The following ARFGEF3 variants were observed in gnomAD, a reference collection of about 807,000 sequenced individuals.
ARFGEF3 encodes the protein brefeldin A-inhibited guanine nucleotide-exchange protein 3.
A neutral mutation model predicts 221.7 loss-of-function variants in ARFGEF3; 96 were observed. That is an observed-to-expected ratio of 0.43 (90% CI 0.37 to 0.51). The LOEUF (loss-of-function observed/expected upper bound fraction) is 0.51, where lower values mean the gene tolerates loss of function less well. ARFGEF3 is among the 20% of genes least tolerant of loss of function. The probability of loss-of-function intolerance (pLI) is 0.00; values close to 1 mark genes in which losing one functional copy is unlikely to be tolerated. For missense variants in ARFGEF3, 2,410 were observed against 2,789.9 expected, an observed-to-expected ratio of 0.86 and a Z score of 3.07; for synonymous variants, 1,145 against 1,126.8, an observed-to-expected ratio of 1.02 and a Z score of -0.32.
intron 2 of ARFGEF3, among the ~76,000 whole-genome samples, chr6:138,178,532 GTTC>G (rs1441173110): frequency 6.6e-6 from 1 of 152,082 alleles, no homozygotes; most frequent in African/African-American, 2.4e-5. Context: ...TGTCCTCACC[GTTC>G]TTCTTACATA....
Position 138,311,481 on chromosome 6 carries a change from G to T in ARFGEF3, c.4171G>T (p.Ala1391Ser). Reference sequence around the variant, plus strand: ...CCCGTCCACAGACCTGTGCCTCCCGGCCCTGGATTACCTCAGGCGCTGCTC... The same window carrying T: ...CCCGTCCACAGACCTGTGCCTCCCGTCCCTGGATTACCTCAGGCGCTGCTC... The part of the protein sequence containing the change: ...GAPSTDLCLP[A>S]LDYLRRCSQL... The change falls in exon 25 of 34, where the codon GCC becomes TCC. Residue 1391 changes from alanine to serine, a missense_variant. Ala to Ser is a moderately conservative substitution (Grantham distance 99). This residue lies in a region of ARFGEF3 where 723 missense variants were observed against 991.9 expected (regional missense o/e 0.73). Transcript: ENST00000251691. 3 of 1,603,226 alleles carry T rather than the reference G, an allele frequency of 1.9e-6. No homozygotes were observed. Among genetic ancestry groups the T allele is most frequent in the East Asian group, 2.2e-5 (1 of 44,508 alleles).
chr6:138,255,224 T>G (rs1346371492), intron 9 of ARFGEF3, among the ~76,000 whole-genome samples: 1 of 152,238 alleles, frequency 6.6e-6, no homozygotes, highest in Non-Finnish European at 1.5e-5. Flanking sequence ...TCTTATATTT[T>G]ATTTCATTCA....
At chr6:138,316,676 AT>A (rs1297394124) in intron 26 of ARFGEF3, among the ~76,000 whole-genome samples, 1 of 152,188 alleles carries the variant, frequency 6.6e-6, no homozygotes, top group African/African-American at 2.4e-5. Flanking sequence ...CACACCCAAA[AT>A]CAATCATAAT....
At chr6:138,238,283 G>A (rs376726110) in intron 5 of ARFGEF3, among the ~76,000 whole-genome samples, 1 of 152,206 alleles carries the variant, frequency 6.6e-6, no homozygotes, top group East Asian at 1.9e-4. Flanking sequence ...CAGAGGAACA[G>A]GTTGTAAGAA....
chr6:138,225,069 T>C (rs1198709005), intron 4 of ARFGEF3, among the ~76,000 whole-genome samples: 29 of 152,198 alleles, frequency 1.9e-4, no homozygotes, highest in Admixed American at 1.6e-3. Context: ...CCTTCCACTC[T>C]CCCTGCATCT....
rs187034199 is a variant in ARFGEF3 at position 138,169,531 on chromosome 6, C to T, written c.86-1131C>T. Among the ~76,000 whole-genome samples, 44 of 152,320 alleles carry T rather than the reference C, an allele frequency of 2.9e-4. No homozygotes were observed. In the East Asian group the frequency reaches 5.0e-3, roughly 17 times the overall value. On this transcript the variant is annotated intron_variant, in intron 1 of 33. Transcript: ENST00000251691. ...ACTGCCTTTCCTTGGGGAGCAGCAT[C>T]GGCTCATCCTGGGTGCCAGTCCCTG... is the stretch of plus-strand genomic sequence containing the variant.
At chr6:138,243,894 G>A (rs915896445) in intron 7 of ARFGEF3, among the ~76,000 whole-genome samples, 1 of 152,130 alleles carries the variant, frequency 6.6e-6, no homozygotes, top group Non-Finnish European at 1.5e-5. Flanking sequence ...TTCTTGGGCC[G>A]CGGACTGGAA....
At chr6:138,316,410 A>G (rs1779927092) in intron 26 of ARFGEF3, among the ~76,000 whole-genome samples, 1 of 152,220 alleles carries the variant, frequency 6.6e-6, no homozygotes, top group Non-Finnish European at 1.5e-5. Flanking sequence ...CAAAACTTGT[A>G]TATTTTGAAT....
Position 138,285,910 on chromosome 6 carries a change from T to C in ARFGEF3, c.2462-36T>C, listed in dbSNP as rs41289773. ...TTTGCTTGTTTTTGACTGGAGTGTT[T>C]TATTTAGGGAAAACTTCTTTCTTTT... is the stretch of plus-strand genomic sequence containing the variant. On this transcript the variant is annotated intron_variant, in intron 14 of 33. Coordinates refer to ENST00000251691, the MANE Select transcript of ARFGEF3 (RefSeq NM_020340.5). 4,208 of 1,346,412 alleles carry C rather than the reference T, an allele frequency of 3.1e-3. 28 individuals are homozygous for C. The highest frequency in any genetic ancestry group is 0.02 in the Middle Eastern group (111 of 5,550). 83.4% of individuals were successfully genotyped at this position (1,346,412 alleles called of 1,614,324 possible). A position where few individuals can be genotyped will look rare whatever the true frequency, so the allele number is the denominator to read the frequency against.
chr6:138,286,475 A>G (rs984488912), intron 15 of ARFGEF3, among the ~76,000 whole-genome samples: 3 of 152,176 alleles, frequency 2.0e-5, no homozygotes, highest in Non-Finnish European at 2.9e-5. Context: ...AAGAAAAAGA[A>G]AAAGTAATTG....
At chr6:138,193,999 C>T (rs112148115) in intron 2 of ARFGEF3, among the ~76,000 whole-genome samples, 3,175 of 152,162 alleles carry the variant, frequency 0.021, 63 homozygotes, top group Middle Eastern at 0.061. Context: ...TGGAGCCGGA[C>T]GCGGTGGCTC....
At position 138,343,174 on chromosome 6, in the gene ARFGEF3, C is replaced by G. The variant is rs1780459084; in HGVS notation, c.*6688C>G. 6.6e-6 allele frequency: 1 copy of G among 151,988 alleles called. No individual in the cohort carries two copies. Among genetic ancestry groups the G allele is most frequent in the Non-Finnish European group, 1.5e-5 (1 of 68,024 alleles). 9.4% of individuals were successfully genotyped at this position (151,988 alleles called of 1,614,324 possible). On this transcript the variant is annotated 3_prime_UTR_variant, in exon 34 of 34. Coordinates refer to ENST00000251691, the MANE Select transcript of ARFGEF3 (RefSeq NM_020340.5). ...TTTTACCATTAAAAAAAATTAAGGA[C>G]CATACAGAGAATGATTTAAGAAAAA...
intron 4 of ARFGEF3, among the ~76,000 whole-genome samples, chr6:138,220,184 G>A (rs1373720615): frequency 6.6e-6 from 1 of 152,008 alleles, no homozygotes; most frequent in Non-Finnish European, 1.5e-5. Context: ...TATTTCTTTT[G>A]TAGAGACAAG....
chr6:138,208,922 AT>A (rs897331373), intron 3 of ARFGEF3, among the ~76,000 whole-genome samples: 3 of 152,156 alleles, frequency 2.0e-5, no homozygotes, highest in Non-Finnish European at 1.5e-5. Flanking sequence ...GGTTTCAGAT[AT>A]TTTAGAAGCT....
chr6:138,267,324 C>T (rs537419209), intron 12 of ARFGEF3, among the ~76,000 whole-genome samples: 49 of 152,216 alleles, frequency 3.2e-4, no homozygotes, highest in African/African-American at 1.1e-3. Flanking sequence ...ACTCAGGAGG[C>T]TGAGGCAGGA....
At chr6:138,212,923 G>C (rs1210828098) in intron 4 of ARFGEF3, among the ~76,000 whole-genome samples, 1 of 152,118 alleles carries the variant, frequency 6.6e-6, no homozygotes, top group African/African-American at 2.4e-5. Flanking sequence ...ATGATGAGTT[G>C]ATGGGTGCAG....
intron 2 of ARFGEF3, among the ~76,000 whole-genome samples, chr6:138,193,184 C>A (rs1777343517): frequency 6.6e-6 from 1 of 152,144 alleles, no homozygotes; most frequent in South Asian, 2.1e-4. Context: ...TCCACGAACC[C>A]CCTCTGTACC....
chr6:138,187,948 TG>T (rs981843366), intron 2 of ARFGEF3, among the ~76,000 whole-genome samples: 2 of 152,026 alleles, frequency 1.3e-5, no homozygotes, highest in African/African-American at 2.4e-5. Flanking sequence ...TGAGTGTGTG[TG>T]GGGGGGTTTA....
intron 19 of ARFGEF3, among the ~76,000 whole-genome samples, chr6:138,292,951 G>A (rs1779439710): frequency 6.6e-6 from 1 of 152,218 alleles, no homozygotes; most frequent in Non-Finnish European, 1.5e-5. Flanking sequence ...TTACTAGGAA[G>A]GAGGGAGGAG....
Sources: gnomAD v4.1 joint callset for allele counts (sites outside exome capture counted in the v4.1 genomes callset) on GRCh38, gnomAD v4.1.1 for gene constraint, gnomAD v4.1.1 regional missense constraint, MANE v1.5 for transcripts, NCBI Gene and HGNC (gene_info 2026-07-23, HGNC 2026-07-21) for gene names.